Variants in SMAP2 observed in about 807,000 individuals in gnomAD.
SMAP2 encodes the protein small ArfGAP2.
A neutral mutation model predicts 56.4 loss-of-function variants in SMAP2; 25 were observed. The observed-to-expected ratio is 0.44, with a 90% CI of 0.32 to 0.62. The LOEUF is 0.62. Among genes scored for constraint, SMAP2 ranks in the 20% least tolerant of loss-of-function variants. The pLI is 0.04. For synonymous variants in SMAP2, 157 were observed against 181.7 expected (o/e 0.86, Z 1.09); for missense variants, 388 against 545.6 (o/e 0.71, Z 2.88).
In SMAP2 at chr1:40,398,274, G is replaced by A. The variant is rs989743740; in HGVS notation, c.104-8462G>A. ...GACAAGGTCTCACTCTGTTCCCTAG[G>A]ATGAAGTGCCATGGTGCAATCATAG... is the stretch of plus-strand genomic sequence containing the variant. On this transcript the variant is annotated intron_variant, in intron 1 of 9. Coordinates refer to ENST00000372718, the MANE Select transcript of SMAP2 (RefSeq NM_022733.3). Among the ~76,000 whole-genome samples, 9 of 151,832 alleles carry A rather than the reference G, an allele frequency of 5.9e-5. 1 individual carries two copies. The highest frequency in any genetic ancestry group is 6.8e-3 in the Middle Eastern group (2 of 294).
chr1:40,407,169 G>C (rs1201793134), intron 2 of SMAP2, among the ~76,000 whole-genome samples: 1 of 152,140 alleles, frequency 6.6e-6, no homozygotes, highest in Non-Finnish European at 1.5e-5. Context: ...AGCATTTGCA[G>C]GTCTAAAATT....
chr1:40,391,716 T>A (rs1013481497), intron 1 of SMAP2, among the ~76,000 whole-genome samples: 1 of 152,166 alleles, frequency 6.6e-6, no homozygotes, highest in Non-Finnish European at 1.5e-5. Flanking sequence ...ATCACCCTTT[T>A]TAGTAGCTTC....
At chr1:40,403,233 C>T (rs868160490) in intron 1 of SMAP2, among the ~76,000 whole-genome samples, 5 of 152,160 alleles carry the variant, frequency 3.3e-5, no homozygotes, top group African/African-American at 1.2e-4. Flanking sequence ...TGGCTGAGCG[C>T]GGTGGCTCAC....
At chr1:40,417,310 A>G (rs1644999127) in intron 9 of SMAP2, among the ~76,000 whole-genome samples, 2 of 150,574 alleles carry the variant, frequency 1.3e-5, no homozygotes, top group Admixed American at 1.3e-4. Context: ...GAATAAGCCC[A>G]ACTGCCTAAA....
chr1:40,404,632 TCTTAA>T (rs1402736697), intron 1 of SMAP2, among the ~76,000 whole-genome samples: 10 of 152,224 alleles, frequency 6.6e-5, no homozygotes, highest in Non-Finnish European at 2.9e-5. Context: ...AACAAATACA[TCTTAA>T]CTTGTCTTAT....
intron 1 of SMAP2, among the ~76,000 whole-genome samples, chr1:40,404,906 G>C (rs1479210278): frequency 1.3e-5 from 2 of 152,176 alleles, no homozygotes; most frequent in Admixed American, 6.5e-5. Flanking sequence ...ATACATGGCG[G>C]ACCAACTATG....
In SMAP2 at chr1:40,385,543, C is replaced by T. The variant is rs1644644887; in HGVS notation, c.103+11320C>T. Among the ~76,000 whole-genome samples, 1 of 152,232 alleles carries T rather than the reference C, an allele frequency of 6.6e-6. No individual in the cohort carries two copies. Among genetic ancestry groups the T allele is most frequent in the African/African-American group, 2.4e-5 (1 of 41,462 alleles). On this transcript the variant is annotated intron_variant, in intron 1 of 9. Coordinates refer to ENST00000372718, the MANE Select transcript of SMAP2 (RefSeq NM_022733.3). The surrounding 1 kb of genome is among the most constrained non-coding windows in gnomAD (Gnocchi z 4.5). ...CCACAAATCAAATGTGTAATGCTCT[C>T]ATTTTATGATGTATTGAAACAGTGA...
chr1:40,387,004 C>T (rs1644663258), intron 1 of SMAP2, among the ~76,000 whole-genome samples: 1 of 152,024 alleles, frequency 6.6e-6, no homozygotes, highest in South Asian at 2.1e-4. Context: ...AGGTGCACAC[C>T]ACCACGTCCA....
Position 40,422,077 on chromosome 1 carries a change from T to C in SMAP2, c.1266T>C (p.Thr422=). The change falls in exon 10 of 10, where the codon ACT becomes ACC. Residue 422 remains threonine, a synonymous_variant. Coordinates refer to ENST00000372718, the MANE Select transcript of SMAP2 (RefSeq NM_022733.3). ...SGGNGQAANQ[T]LSPQMWK is the part of the protein sequence containing the mutation. ...GAAATGGACAGGCAGCAAATCAGAC[T>C]CTCAGTCCTCAGATGTGGAAATAAA... The C allele has an allele frequency of 6.2e-7, 1 of 1,614,150 alleles. No individual in the cohort carries two copies. The highest frequency in any genetic ancestry group is 8.5e-7 in the Non-Finnish European group (1 of 1,180,030).
chr1:40,350,407 C>A (rs1339256633), intron 1 of SMAP2, among the ~76,000 whole-genome samples: 1 of 152,158 alleles, frequency 6.6e-6, no homozygotes, highest in South Asian at 2.1e-4. Flanking sequence ...GTCCCTATTG[C>A]GTGACACCAT....
intron 1 of SMAP2, among the ~76,000 whole-genome samples, chr1:40,361,766 G>A (rs141460465): frequency 6.6e-6 from 1 of 152,196 alleles, no homozygotes; most frequent in Admixed American, 6.5e-5. Flanking sequence ...GAAAGGAAGA[G>A]GGGGAAGGAC....
chr1:40,411,755 TAAATG>T (rs1482507014), intron 4 of SMAP2, among the ~76,000 whole-genome samples: 4 of 152,234 alleles, frequency 2.6e-5, no homozygotes, highest in Non-Finnish European at 2.9e-5. Context: ...ATTTTTAACT[TAAATG>T]AAATGTCGTG....
rs1463318490 is a variant in SMAP2, at chr1:40,359,662, C to T, written c.-82-2638C>T. On this transcript the variant is annotated intron_variant, in intron 1 of 6. Coordinates refer to the SMAP2 transcript ENST00000435168. ...TCTGGTGGTACACTTTACTTTTTTGCTTTTTATTTTTTGTTTATCTGTTGT... is the reference window on the plus strand; with the variant it reads ...TCTGGTGGTACACTTTACTTTTTTGTTTTTTATTTTTTGTTTATCTGTTGT... 2.0e-5 allele frequency among the ~76,000 whole-genome samples: 3 copies of T among 151,964 alleles called. No individual in the cohort carries two copies. In the East Asian group the frequency reaches 5.8e-4, roughly 29 times the overall value.
At chr1:40,400,417 C>T (rs1644820789) in intron 1 of SMAP2, among the ~76,000 whole-genome samples, 1 of 152,042 alleles carries the variant, frequency 6.6e-6, no homozygotes, top group Non-Finnish European at 1.5e-5. Flanking sequence ...GGTTTGGGCT[C>T]AAGGGAGAAG....
At position 40,374,924 on chromosome 1, in the gene SMAP2, G is replaced by A; in HGVS notation, c.103+701G>A. On this transcript the variant is annotated intron_variant, in intron 1 of 9. Transcript: ENST00000372718. The surrounding 1 kb of genome is among the most constrained non-coding windows in gnomAD (Gnocchi z 5.9). ...GTATGAGTGGTGGCAGAAACTAGCC[G>A]ATTATGCCTGTAGTGCAGGATCCGT... 1 of 985,392 alleles carries A rather than the reference G, an allele frequency of 1.0e-6. No individual in the cohort carries two copies. The highest frequency in any genetic ancestry group is 1.2e-6 in the Non-Finnish European group (1 of 829,928). 61.0% of individuals were successfully genotyped at this position (985,392 alleles called of 1,614,324 possible). A position where few individuals can be genotyped will look rare whatever the true frequency, so the allele number is the denominator to read the frequency against.
At chr1:40,401,964 G>A (rs1330619967) in intron 1 of SMAP2, among the ~76,000 whole-genome samples, 1 of 152,114 alleles carries the variant, frequency 6.6e-6, no homozygotes, top group Non-Finnish European at 1.5e-5. Context: ...ATTGCTTGAT[G>A]CTGCCCACGC....
At chr1:40,354,975 G>A (rs1051618822) in intron 1 of SMAP2, among the ~76,000 whole-genome samples, 1 of 150,886 alleles carries the variant, frequency 6.6e-6, no homozygotes, top group African/African-American at 2.4e-5. Flanking sequence ...GTAGAGAGGG[G>A]GTTTCACCAT....
intron 1 of SMAP2, among the ~76,000 whole-genome samples, chr1:40,399,518 C>G (rs1252145023): frequency 6.9e-6 from 1 of 144,718 alleles, no homozygotes; most frequent in Non-Finnish European, 1.5e-5. Flanking sequence ...ACTCTTAACA[C>G]CACTCAATGA....
intron 1 of SMAP2, among the ~76,000 whole-genome samples, chr1:40,357,732 C>T (rs4660406): frequency 0.66 from 100,157 of 152,048 alleles, 33,345 homozygotes; most frequent in East Asian, 0.92. Context: ...AAAGAATTCA[C>T]TGTAGGTGTA....
Sources: allele counts gnomAD v4.1 joint callset (sites outside exome capture counted in the v4.1 genomes callset), GRCh38; gene constraint gnomAD v4.1.1; non-coding constraint Gnocchi (gnomAD v3.1); transcripts MANE v1.5; gene names NCBI Gene and HGNC (gene_info 2026-07-23, HGNC 2026-07-21).